ARL15: variants seen among roughly 807,000 people sequenced by gnomAD.
ARL15 encodes the protein ADP-ribosylation factor-like protein 15.
A neutral mutation model predicts 25.2 loss-of-function variants in ARL15; 19 were observed. The observed-to-expected ratio is 0.75, with a 90% CI of 0.53 to 1.10. The LOEUF is 1.10. ARL15 is among the 50% of genes least tolerant of loss of function. The pLI, the probability that ARL15 is intolerant of heterozygous loss-of-function variation, is 0.00. For missense variants in ARL15, 220 were observed against 246.0 expected (o/e 0.89, Z 0.71); for synonymous variants, 94 against 86.8 (o/e 1.08, Z -0.46).
intron 4 of ARL15, among the ~76,000 whole-genome samples, chr5:53,985,626 G>A (rs774717784): frequency 8.6e-5 from 13 of 151,910 alleles, no homozygotes; most frequent in African/African-American, 1.2e-4. Context: ...CCATGTTGTG[G>A]CATATGTCAG....
At chr5:53,895,145 G>A (rs1744832726) in intron 4 of ARL15, among the ~76,000 whole-genome samples, 5 of 152,164 alleles carry the variant, frequency 3.3e-5, no homozygotes, top group Admixed American at 3.3e-4. Context: ...CTTCTGCTTT[G>A]TCTAGCAGGG....
At position 54,098,758 on chromosome 5, in the gene ARL15, G is replaced by A. The variant is rs116529595; in HGVS notation, c.462+14444C>T. Among the ~76,000 whole-genome samples, 504 of 152,216 alleles carry A rather than the reference G, an allele frequency of 3.3e-3. 3 individuals carry two copies. The highest frequency in any genetic ancestry group is 6.3e-3 in the Admixed American group (96 of 15,290). On this transcript the variant is annotated intron_variant, in intron 4 of 4. Coordinates refer to ENST00000504924, the MANE Select transcript of ARL15 (RefSeq NM_019087.3). ...TTGTTTTAATCAGGTCCTGTTGGTT[G>A]TTAAACTTCAGACTTTGGAAAGTCT...
At chr5:54,043,010 T>C (rs891153397) in intron 4 of ARL15, among the ~76,000 whole-genome samples, 1 of 152,214 alleles carries the variant, frequency 6.6e-6, no homozygotes, top group African/African-American at 2.4e-5. Context: ...AAAGGCATCA[T>C]GGCACCTCTA....
intron 4 of ARL15, among the ~76,000 whole-genome samples, chr5:54,005,754 C>T (rs1053408661): frequency 1.2e-4 from 18 of 151,386 alleles, no homozygotes; most frequent in African/African-American, 3.9e-4. Context: ...CCCAGCTACT[C>T]GGGAGGCTGA....
At chr5:54,220,844 C>T (rs149305635) in intron 1 of ARL15, among the ~76,000 whole-genome samples, 70 of 152,176 alleles carry the variant, frequency 4.6e-4, no homozygotes, top group African/African-American at 1.6e-3. Flanking sequence ...CCCCCTTTGC[C>T]GTGGTGAGAT....
intron 1 of ARL15, among the ~76,000 whole-genome samples, chr5:54,245,457 CA>C (rs1306649627): frequency 1.3e-5 from 2 of 152,140 alleles, no homozygotes; most frequent in Admixed American, 6.5e-5. Context: ...AACAAAAGAA[CA>C]AAACAGAAGC....
At chr5:54,216,067 T>C (rs770781774) in intron 1 of ARL15, among the ~76,000 whole-genome samples, 1 of 152,176 alleles carries the variant, frequency 6.6e-6, no homozygotes, top group Non-Finnish European at 1.5e-5. Flanking sequence ...CCTCATCCTA[T>C]AGCTGGCTGG....
chr5:54,040,714 A>G (rs904288897), intron 4 of ARL15, among the ~76,000 whole-genome samples: 1 of 152,230 alleles, frequency 6.6e-6, no homozygotes, highest in African/African-American at 2.4e-5. Context: ...GAAGTAAAGT[A>G]TCTTCTAAAA....
intron 4 of ARL15, among the ~76,000 whole-genome samples, chr5:54,032,565 A>G (rs1447011485): frequency 6.6e-6 from 1 of 151,370 alleles, no homozygotes; most frequent in Admixed American, 6.6e-5. Flanking sequence ...TGGTACATCT[A>G]TGTTGAGAAC....
At chr5:53,911,825 C>G in intron 4 of ARL15, among the ~76,000 whole-genome samples, 1 of 152,160 alleles carries the variant, frequency 6.6e-6, no homozygotes. Flanking sequence ...TCCAACAACA[C>G]TCTCCAAAAT....
At chr5:53,972,384 T>A (rs545585102) in intron 4 of ARL15, among the ~76,000 whole-genome samples, 13 of 152,328 alleles carry the variant, frequency 8.5e-5, no homozygotes, top group African/African-American at 3.1e-4. Flanking sequence ...TAGCACAGTA[T>A]ATTATAGTAG....
At chr5:54,200,383 T>G (rs6866870) in intron 1 of ARL15, among the ~76,000 whole-genome samples, 98,348 of 151,120 alleles carry the variant, frequency 0.65, 32,604 homozygotes, top group African/African-American at 0.76. Context: ...AGAGCATAAT[T>G]GTGTATCAAA....
At chr5:53,994,725 T>A (rs187243396) in intron 4 of ARL15, among the ~76,000 whole-genome samples, 2 of 152,360 alleles carry the variant, frequency 1.3e-5, no homozygotes, top group Admixed American at 1.3e-4. Flanking sequence ...ATGTAGGCCA[T>A]ATACCAGCTG....
chr5:54,166,077 C>G (rs1288231561), intron 2 of ARL15, among the ~76,000 whole-genome samples: 2 of 152,164 alleles, frequency 1.3e-5, no homozygotes, highest in Admixed American at 1.3e-4. Flanking sequence ...TATTTGGGCA[C>G]TGGGACCCAG....
intron 4 of ARL15, among the ~76,000 whole-genome samples, chr5:54,083,140 G>C (rs1751857804): frequency 6.6e-6 from 1 of 152,236 alleles, no homozygotes; most frequent in South Asian, 2.1e-4. Context: ...ATTTACCAAG[G>C]AAGAAATAAC....
intron 1 of ARL15, among the ~76,000 whole-genome samples, chr5:54,281,987 T>G (rs1309245845): frequency 6.6e-6 from 1 of 152,252 alleles, no homozygotes; most frequent in Non-Finnish European, 1.5e-5. Flanking sequence ...ACATTCGTAT[T>G]GCATCTAACA....
chr5:54,072,983 C>T (rs1751474313), intron 4 of ARL15, among the ~76,000 whole-genome samples: 1 of 152,162 alleles, frequency 6.6e-6, no homozygotes, highest in African/African-American at 2.4e-5. Context: ...CTTTTCTAGA[C>T]ACTCAACATG....
At chr5:53,965,601 T>A (rs1263792601) in intron 4 of ARL15, among the ~76,000 whole-genome samples, 2 of 152,012 alleles carry the variant, frequency 1.3e-5, no homozygotes, top group Admixed American at 6.5e-5. Flanking sequence ...GTGTGTGCAT[T>A]TTGGGATTCT....
chr5:54,061,060 G>C (rs971370729), intron 4 of ARL15, among the ~76,000 whole-genome samples: 2 of 152,146 alleles, frequency 1.3e-5, no homozygotes, highest in Non-Finnish European at 2.9e-5. Context: ...ATGTCCCCAG[G>C]GCATGTCAGA....
Sources: allele counts gnomAD v4.1 joint callset (sites outside exome capture counted in the v4.1 genomes callset), GRCh38; gene constraint gnomAD v4.1.1; transcripts MANE v1.5; gene names NCBI Gene and HGNC (gene_info 2026-07-23, HGNC 2026-07-21).